Variants in TIPIN observed in about 807,000 individuals in gnomAD.
The protein encoded by TIPIN is TIMELESS interacting protein.
TIPIN carries 29 observed loss-of-function variants against 35.6 expected under a neutral mutation model. That is an observed-to-expected ratio of 0.82 (90% CI 0.61 to 1.11). TIPIN has a LOEUF of 1.11. TIPIN is among the 50% of genes most tolerant of loss of function. The pLI, the probability that TIPIN is intolerant of heterozygous loss-of-function variation, is 0.00. For synonymous variants in TIPIN, 102 were observed against 121.5 expected (o/e 0.84, Z 1.06); for missense variants, 296 against 345.4 (o/e 0.86, Z 1.13).
At chr15:66,360,466 A>G (rs1249064882), upstream of TIPIN, among the ~76,000 whole-genome samples, 1 of 49,626 alleles carries the variant, frequency 2.0e-5, no homozygotes, top group Non-Finnish European at 3.9e-5. Flanking sequence ...AAGAAAATGT[A>G]AAGATTTTGT....
At chr15:66,347,043 C>T (rs1233530872) in intron 6 of TIPIN, among the ~76,000 whole-genome samples, 1 of 152,090 alleles carries the variant, frequency 6.6e-6, no homozygotes, top group Non-Finnish European at 1.5e-5. Context: ...GATCCACCCG[C>T]CTCGGCCTCT....
chr15:66,342,186 C>CAACAAAAAAA (rs2093092464), intron 6 of TIPIN, among the ~76,000 whole-genome samples: 1 of 108,508 alleles, frequency 9.2e-6, no homozygotes, highest in Non-Finnish European at 1.8e-5. Flanking sequence ...AAGACTGTCT[C>CAACAAAAAAA]AAAAAAAAAA....
At chr15:66,378,879 G>C (rs563988334) in intron 1 of TIPIN, among the ~76,000 whole-genome samples, 1 of 152,102 alleles carries the variant, frequency 6.6e-6, no homozygotes, top group South Asian at 2.1e-4. Context: ...TGGGACTACA[G>C]GGATGTACCA....
chr15:66,378,264 G>A (rs2093304915), intron 1 of TIPIN, among the ~76,000 whole-genome samples: 1 of 152,102 alleles, frequency 6.6e-6, no homozygotes, highest in African/African-American at 2.4e-5. Context: ...GCTTCCCAAA[G>A]TGCTGGGATT....
intron 1 of TIPIN, among the ~76,000 whole-genome samples, chr15:66,364,970 A>AAAAAAAAAAAAG (rs1555409817): frequency 0.18 from 23,957 of 136,236 alleles, 3,728 homozygotes; most frequent in Middle Eastern, 0.3. Flanking sequence ...CCATCTCAAA[A>AAAAAAAAAAAAG]AAAAAGAAAA....
intron 7 of TIPIN, 150 bp from the exon 8 acceptor site, chr15:66,337,331 T>A (rs888049778): frequency 6.9e-4 from 339 of 491,682 alleles, no homozygotes; most frequent in Non-Finnish European, 8.8e-4. Context: ...AATATATCTT[T>A]TTTTTTTTTT....
At chr15:66,379,632 A>C (rs565987293) in intron 1 of TIPIN, 1 of 1,609,502 alleles carries the variant, frequency 6.2e-7, no homozygotes, top group Non-Finnish European at 8.5e-7. Flanking sequence ...GTAAGCATAC[A>C]CAGACCTCAT....
chr15:66,337,205 A>C (rs1341124971), intron 7 of TIPIN, 24 bp from the exon 8 acceptor site: 5 of 1,595,582 alleles, frequency 3.1e-6, no homozygotes, highest in Non-Finnish European at 4.3e-6. Flanking sequence ...TACCATTATT[A>C]TTCATTATAA....
intron 7 of TIPIN, among the ~76,000 whole-genome samples, chr15:66,339,893 G>A (rs1162684619): frequency 2.0e-5 from 3 of 150,108 alleles, no homozygotes; most frequent in Non-Finnish European, 3.0e-5. Context: ...TTTTTGAGAC[G>A]GAGTCTTGCT....
In TIPIN at chr15:66,336,191, T is replaced by C. The variant is rs2093044036; in HGVS notation, c.*767A>G. The C allele has an allele frequency of 6.6e-6, 1 of 152,218 alleles. No homozygotes were observed. 9.4% of individuals were successfully genotyped at this position (152,218 alleles called of 1,614,324 possible). A position where few individuals can be genotyped will look rare whatever the true frequency, so the allele number is the denominator to read the frequency against. Reference sequence around the variant, plus strand: ...GAAAACCTCCCATAAAGCCTGTAGATAGTTTTTAAGATAATTTTTACTTCT... The same window carrying C: ...GAAAACCTCCCATAAAGCCTGTAGACAGTTTTTAAGATAATTTTTACTTCT... On this transcript the variant is annotated 3_prime_UTR_variant, in exon 8 of 8. Transcript: ENST00000261881.
At chr15:66,360,405 G>A (rs935561578), upstream of TIPIN, among the ~76,000 whole-genome samples, 9 of 151,666 alleles carry the variant, frequency 5.9e-5, no homozygotes, top group East Asian at 1.9e-4. Flanking sequence ...CAGGAGTCCC[G>A]GACCAGCCTG....
chr15:66,374,863 T>G (rs1344020674), intron 1 of TIPIN, among the ~76,000 whole-genome samples: 1 of 152,134 alleles, frequency 6.6e-6, no homozygotes, highest in Non-Finnish European at 1.5e-5. Flanking sequence ...ATTACAGGTG[T>G]GAGCCACTGC....
chr15:66,336,830 C>A lies in TIPIN; in HGVS notation c.*128G>T. 2.9e-6 allele frequency: 2 copies of A among 687,602 alleles called. No homozygotes were observed. Among genetic ancestry groups the A allele is most frequent in the South Asian group, 4.1e-5 (2 of 48,322 alleles). 42.6% of individuals were successfully genotyped at this position (687,602 alleles called of 1,614,324 possible). On this transcript the variant is annotated 3_prime_UTR_variant, in exon 8 of 8. Transcript: ENST00000261881. The stretch of plus-strand genomic sequence containing the variant: ...TAATTATAAATAAATACCAGATTAT[C>A]AGATTTTAAACAATAATCTATAACA...
chr15:66,371,427 A>C, intron 1 of TIPIN: 1 of 966,668 alleles, frequency 1.0e-6, no homozygotes, highest in Non-Finnish European at 1.2e-6. Flanking sequence ...AGGACAAATA[A>C]AAATATATTT....
intron 1 of TIPIN, among the ~76,000 whole-genome samples, chr15:66,380,916 G>A (rs1446264021): frequency 6.6e-6 from 1 of 151,896 alleles, no homozygotes; most frequent in Non-Finnish European, 1.5e-5. Context: ...GTCTTTTCTT[G>A]TCCAGTATTT....
chr15:66,368,529 A>G (rs926489092), intron 1 of TIPIN, among the ~76,000 whole-genome samples: 2 of 152,150 alleles, frequency 1.3e-5, no homozygotes, highest in Non-Finnish European at 2.9e-5. Context: ...ACCCTGTCTC[A>G]AATAAATAAA....
At chr15:66,346,412 T>G (rs2093126144) in intron 6 of TIPIN, among the ~76,000 whole-genome samples, 2 of 152,070 alleles carry the variant, frequency 1.3e-5, no homozygotes. Flanking sequence ...TTCTTTTTTC[T>G]TCCTCTCACC....
At chr15:66,358,429 CTG>C (rs1181550567), upstream of TIPIN, among the ~76,000 whole-genome samples, 1 of 151,608 alleles carries the variant, frequency 6.6e-6, no homozygotes, top group Non-Finnish European at 1.5e-5. Flanking sequence ...TTCTTTCTCT[CTG>C]TCTTTTTTTT....
chr15:66,377,667 T>TTTTG (rs1255921273), intron 1 of TIPIN, among the ~76,000 whole-genome samples: 7 of 151,142 alleles, frequency 4.6e-5, no homozygotes, highest in Admixed American at 2.0e-4. Flanking sequence ...CTGGGTTTTT[T>TTTTG]TTTGTTTGTT....
Sources: allele counts gnomAD v4.1 joint callset (sites outside exome capture counted in the v4.1 genomes callset), GRCh38; gene constraint gnomAD v4.1.1; transcripts MANE v1.5; gene names NCBI Gene and HGNC (gene_info 2026-07-23, HGNC 2026-07-21).